The following LDLRAD3 variants were observed in gnomAD, a reference collection of about 807,000 sequenced individuals.
The protein encoded by LDLRAD3 is low density lipoprotein receptor class A domain containing 3, also known as low-density lipoprotein receptor class A domain-containing protein 3.
Under a neutral mutation model 29.4 loss-of-function variants are expected in LDLRAD3, and 20 were observed. That is an observed-to-expected ratio of 0.68 (90% confidence interval 0.48 to 0.99). The LOEUF (loss-of-function observed/expected upper bound fraction) is 0.99. Among genes scored for constraint, LDLRAD3 ranks in the 50% least tolerant of loss-of-function variants. LDLRAD3 has a pLI of 0.00. For synonymous variants in LDLRAD3, 157 were observed against 192.7 expected, an observed-to-expected ratio of 0.81 and a Z score of 1.53; for missense variants, 420 against 454.3, an observed-to-expected ratio of 0.92 and a Z score of 0.69.
At chr11:36,132,683 C>G (rs143260923) in intron 4 of LDLRAD3, among the ~76,000 whole-genome samples, 3 of 152,336 alleles carry the variant, frequency 2.0e-5, no homozygotes, top group Non-Finnish European at 4.4e-5. Flanking sequence ...TTCTTCCTAT[C>G]CATACATCAC....
chr11:36,036,356 G>A, intron 2 of LDLRAD3, 107 bp downstream of exon 2: 1 of 1,359,930 alleles, frequency 7.4e-7, no homozygotes, highest in East Asian at 2.4e-5. Flanking sequence ...GCTGCAAGCT[G>A]GTGGTTTTGT....
chr11:36,168,346 T>C (rs990046675), intron 4 of LDLRAD3, among the ~76,000 whole-genome samples: 1 of 152,150 alleles, frequency 6.6e-6, no homozygotes, highest in African/African-American at 2.4e-5. Context: ...TGATGCTTGT[T>C]TTTAACAGGA....
At chr11:36,178,098 G>A (rs1485234082) in intron 4 of LDLRAD3, among the ~76,000 whole-genome samples, 5 of 152,148 alleles carry the variant, frequency 3.3e-5, no homozygotes, top group Non-Finnish European at 5.9e-5. Context: ...TCTACATGCT[G>A]TTCTGTCCTT....
intron 4 of LDLRAD3, among the ~76,000 whole-genome samples, chr11:36,109,690 A>G (rs2133285490): frequency 6.6e-6 from 1 of 152,300 alleles, no homozygotes; most frequent in Non-Finnish European, 1.5e-5. Flanking sequence ...CGTGCAGGGC[A>G]TGTGATAGGA....
rs539266314 is a variant in LDLRAD3 at position 36,068,642 on chromosome 11, G to C, written c.194-13011G>C. ...AGCGATTCTCCTGCCTCAACCTCCC[G>C]AGTAGCTGGGACTACAGGCATGTGC... On this transcript the variant is annotated intron_variant, in intron 2 of 5. Transcript: ENST00000315571. 2.0e-5 allele frequency among the ~76,000 whole-genome samples: 3 copies of C among 152,182 alleles called. No homozygotes were observed. The East Asian group carries it at 5.8e-4, about 29-fold the overall frequency.
chr11:36,007,534 C>T (rs1196135798), intron 1 of LDLRAD3, among the ~76,000 whole-genome samples: 2 of 152,124 alleles, frequency 1.3e-5, no homozygotes, highest in African/African-American at 2.4e-5. Context: ...AGGGAAGAGG[C>T]GAAGGCAGTC....
intron 2 of LDLRAD3, among the ~76,000 whole-genome samples, chr11:36,037,910 ATTGT>A (rs1462861539): frequency 2.6e-5 from 4 of 152,068 alleles, no homozygotes; most frequent in African/African-American, 9.7e-5. Context: ...TTTTTGCAGA[ATTGT>A]TTGTTTGTTT....
Position 36,208,947 on chromosome 11 carries a change from G to T in LDLRAD3, c.455-18138G>T, listed in dbSNP as rs185012029. Among the ~76,000 whole-genome samples, 4 of 152,374 alleles carry T rather than the reference G, an allele frequency of 2.6e-5. No individual in the cohort carries two copies. In the East Asian group the frequency reaches 7.7e-4, roughly 29 times the overall value. On this transcript the variant is annotated intron_variant, in intron 4 of 5. Coordinates refer to ENST00000315571, the MANE Select transcript of LDLRAD3 (RefSeq NM_174902.4). ...CAAAGACAGAAATAGTAACTTTGCA[G>T]TGAAGAATCCTGGCAGATAAAGTGA...
At chr11:36,176,250 T>C (rs1854674093) in intron 4 of LDLRAD3, among the ~76,000 whole-genome samples, 1 of 152,204 alleles carries the variant, frequency 6.6e-6, no homozygotes, top group African/African-American at 2.4e-5. Flanking sequence ...TGAATTCTTA[T>C]CCATTCTGAT....
intron 4 of LDLRAD3, chr11:36,196,568 C>G (rs1286745299): frequency 6.6e-6 from 1 of 152,204 alleles, no homozygotes; most frequent in Non-Finnish European, 1.5e-5. Context: ...CTGAATTCTT[C>G]CAGTTTTATC....
chr11:35,954,573 C>T (rs1460229226), intron 1 of LDLRAD3, among the ~76,000 whole-genome samples: 2 of 152,210 alleles, frequency 1.3e-5, no homozygotes, highest in Middle Eastern at 3.4e-3. Flanking sequence ...GAAAAAGAGA[C>T]GGAATTGGGA....
Position 35,991,449 on chromosome 11 carries a change from C to T in LDLRAD3, c.47-44654C>T, listed in dbSNP as rs143155590. 4.0e-4 allele frequency among the ~76,000 whole-genome samples: 61 copies of T among 152,108 alleles called. 2 individuals are homozygous for T. The East Asian group carries it at 0.01, about 26-fold the overall frequency. On this transcript the variant is annotated intron_variant, in intron 1 of 5. Transcript: ENST00000315571. The stretch of plus-strand genomic sequence containing the variant: ...TGCCGGAACATGGTGAAATTAATTG[C>T]GGCCAGCCAGGGAAGACAGAAAAAA...
At chr11:36,074,274 TG>T (rs1852957605) in intron 2 of LDLRAD3, among the ~76,000 whole-genome samples, 1 of 152,128 alleles carries the variant, frequency 6.6e-6, no homozygotes, top group African/African-American at 2.4e-5. Context: ...AATACAAAAC[TG>T]GGGAGACCAA....
rs547346170 is a variant in LDLRAD3, at chr11:35,978,696, A to T, written c.46+34552A>T. 5.7e-4 allele frequency among the ~76,000 whole-genome samples: 87 copies of T among 152,344 alleles called. 1 individual carries two copies. Among genetic ancestry groups the T allele is most frequent in the Non-Finnish European group, 4.0e-4 (27 of 68,034 alleles). ...CCTAGAGCAGATTATTGAGCTGGAA[A>T]AGACAGTTAATAGGTAAATTGATCA... On this transcript the variant is annotated intron_variant, in intron 1 of 5. Transcript: ENST00000315571.
chr11:36,149,942 C>T (rs1854253796), intron 4 of LDLRAD3, among the ~76,000 whole-genome samples: 1 of 152,182 alleles, frequency 6.6e-6, no homozygotes, highest in Admixed American at 6.5e-5. Flanking sequence ...CTGGGTCTCT[C>T]TTACAGCATT....
intron 1 of LDLRAD3, among the ~76,000 whole-genome samples, chr11:35,988,695 T>C (rs1377037273): frequency 6.6e-6 from 1 of 152,124 alleles, no homozygotes; most frequent in Non-Finnish European, 1.5e-5. Flanking sequence ...GCGATTCTCC[T>C]GCCCCAGCCT....
intron 4 of LDLRAD3, among the ~76,000 whole-genome samples, chr11:36,211,554 A>G (rs1419959225): frequency 6.6e-6 from 1 of 152,228 alleles, no homozygotes; most frequent in Non-Finnish European, 1.5e-5. Context: ...AACTTGTCCC[A>G]TATTATGGAA....
At chr11:36,048,666 T>A (rs556825425) in intron 2 of LDLRAD3, among the ~76,000 whole-genome samples, 2 of 152,204 alleles carry the variant, frequency 1.3e-5, no homozygotes, top group Non-Finnish European at 2.9e-5. Context: ...CTGTCACATA[T>A]CTCTGCTGGT....
At chr11:36,128,896 GT>G (rs1266720330) in intron 4 of LDLRAD3, among the ~76,000 whole-genome samples, 45 of 152,130 alleles carry the variant, frequency 3.0e-4, no homozygotes, top group Non-Finnish European at 5.6e-4. Context: ...CCTAGCATCG[GT>G]GGAACAGTGA....
Sources: gnomAD v4.1 joint callset for allele counts (sites outside exome capture counted in the v4.1 genomes callset) on GRCh38, gnomAD v4.1.1 for gene constraint, MANE v1.5 for transcripts, NCBI Gene and HGNC (gene_info 2026-07-23, HGNC 2026-07-21) for gene names.